The following ATRNL1 variants were observed in gnomAD, a reference collection of about 807,000 sequenced individuals.
ATRNL1 encodes the protein attractin-like protein 1.
ATRNL1 carries 95 observed loss-of-function variants against 182.7 expected under a neutral mutation model. The ratio of observed to expected loss-of-function variants is 0.52; its 90% confidence interval spans 0.44 to 0.62. The LOEUF (loss-of-function observed/expected upper bound fraction) is 0.62. Ranked by LOEUF, ATRNL1 falls within the 20% of genes least tolerant of loss-of-function variation. The pLI is 0.00. For synonymous variants in ATRNL1, 576 were observed against 568.3 expected (o/e 1.01, Z -0.19); for missense variants, 1,471 against 1,679.5 (o/e 0.88, Z 2.17).
intron 28 of ATRNL1, among the ~76,000 whole-genome samples, chr10:115,913,565 A>C (rs1451595141): frequency 2.0e-5 from 3 of 152,228 alleles, no homozygotes; most frequent in Admixed American, 1.3e-4. Flanking sequence ...CATCTGTGCA[A>C]TACCTGGCAG....
intron 8 of ATRNL1, among the ~76,000 whole-genome samples, chr10:115,186,764 C>CT (rs1847958216): frequency 6.6e-6 from 1 of 151,918 alleles, no homozygotes; most frequent in African/African-American, 2.4e-5. Flanking sequence ...GTAAAATCCT[C>CT]TATTTGACAG....
chr10:115,238,614 G>C (rs1157795240), intron 9 of ATRNL1, among the ~76,000 whole-genome samples: 1 of 152,088 alleles, frequency 6.6e-6, no homozygotes, highest in African/African-American at 2.4e-5. Flanking sequence ...ATTAGTTCTA[G>C]AGGGTTTTTT....
At chr10:115,142,233 G>T (rs1358100633) in intron 5 of ATRNL1, among the ~76,000 whole-genome samples, 1 of 152,156 alleles carries the variant, frequency 6.6e-6, no homozygotes, top group Non-Finnish European at 1.5e-5. Flanking sequence ...GTTTTATGGA[G>T]AAGTTGACAT....
chr10:115,634,253 G>A (rs769959001), intron 26 of ATRNL1, among the ~76,000 whole-genome samples: 75 of 151,978 alleles, frequency 4.9e-4, no homozygotes, highest in Non-Finnish European at 7.7e-4. Context: ...ACAATTTTCC[G>A]ACTCACTGTA....
intron 28 of ATRNL1, among the ~76,000 whole-genome samples, chr10:115,889,695 T>TG (rs1952033946): frequency 6.6e-6 from 1 of 152,208 alleles, no homozygotes; most frequent in Non-Finnish European, 1.5e-5. Context: ...TTGAACTCTG[T>TG]CTGCCTCTAA....
chr10:115,094,557 A>G (rs530007998), intron 1 of ATRNL1, among the ~76,000 whole-genome samples: 6 of 152,292 alleles, frequency 3.9e-5, no homozygotes, highest in African/African-American at 1.4e-4. Context: ...AGTGATGTTA[A>G]TAAGTAGAGT....
At chr10:115,870,307 T>C (rs1951550818) in intron 28 of ATRNL1, among the ~76,000 whole-genome samples, 1 of 152,232 alleles carries the variant, frequency 6.6e-6, no homozygotes, top group Non-Finnish European at 1.5e-5. Context: ...TGACTAGCTA[T>C]TGGCTCCTGC....
chr10:115,146,839 G>GTA (rs1845996467), intron 5 of ATRNL1, among the ~76,000 whole-genome samples: 1 of 144,808 alleles, frequency 6.9e-6, no homozygotes, highest in Admixed American at 7.0e-5. Context: ...GTTCCATTAT[G>GTA]TATATACACT....
intron 26 of ATRNL1, among the ~76,000 whole-genome samples, chr10:115,590,573 C>T (rs1184972605): frequency 6.6e-6 from 1 of 152,078 alleles, no homozygotes; most frequent in African/African-American, 2.4e-5. Flanking sequence ...AAATCTACTA[C>T]AGTCTATTTT....
chr10:115,489,937 G>A (rs987270579), intron 24 of ATRNL1, among the ~76,000 whole-genome samples: 4 of 152,100 alleles, frequency 2.6e-5, no homozygotes, highest in Non-Finnish European at 5.9e-5. Flanking sequence ...CAGTCTCTCA[G>A]CATTTGTTTG....
Position 115,831,880 on chromosome 10 carries a change from CCTG to C in ATRNL1, c.3904-15994_3904-15992del, listed in dbSNP as rs1373604015. Among the ~76,000 whole-genome samples the C allele has an allele frequency of 7.9e-5, 12 of 151,926 alleles. No individual in the cohort carries two copies. The East Asian group carries it at 2.3e-3, about 29-fold the overall frequency. ...AGATACTTTAAAATTGCTATAGCTA[CCTG>C]CTATTAACTAAAGGCATTAAGAAAC... is the stretch of plus-strand genomic sequence containing the variant. On this transcript the variant is annotated intron_variant, in intron 27 of 28. Transcript: ENST00000355044.
chr10:115,263,709 A>G (rs184739768), intron 10 of ATRNL1, among the ~76,000 whole-genome samples: 2 of 151,934 alleles, frequency 1.3e-5, no homozygotes, highest in African/African-American at 4.8e-5. Flanking sequence ...AGTGCTACAA[A>G]CATATAATGT....
intron 26 of ATRNL1, among the ~76,000 whole-genome samples, chr10:115,646,630 CT>C (rs57206126): frequency 0.21 from 30,356 of 143,642 alleles, 3,564 homozygotes; most frequent in East Asian, 0.39. Flanking sequence ...TTCTTTTTTT[CT>C]TTTTTTTTTT....
intron 18 of ATRNL1, among the ~76,000 whole-genome samples, chr10:115,318,808 A>G (rs1854437468): frequency 6.6e-6 from 1 of 151,352 alleles, no homozygotes. Context: ...TCTAGCTAGC[A>G]TTCTCTCTAT....
intron 25 of ATRNL1, among the ~76,000 whole-genome samples, chr10:115,524,933 T>A (rs1222917818): frequency 1.3e-5 from 2 of 152,224 alleles, no homozygotes; most frequent in African/African-American, 4.8e-5. Context: ...AATGTCTGCT[T>A]ATTCCTCCTG....
intron 28 of ATRNL1, among the ~76,000 whole-genome samples, chr10:115,856,441 A>AAAAAAAAAAAAAAAAAAAAAAAAAAAC (rs1555102088): frequency 6.9e-6 from 1 of 145,650 alleles, no homozygotes; most frequent in Non-Finnish European, 1.5e-5. Flanking sequence ...AAAAAAAAAA[A>AAAAAAAAAAAAAAAAAAAAAAAAAAAC]AAAAAAAAAG....
intron 27 of ATRNL1, among the ~76,000 whole-genome samples, chr10:115,843,072 C>A (rs1219996408): frequency 6.6e-6 from 1 of 152,026 alleles, no homozygotes; most frequent in Non-Finnish European, 1.5e-5. Flanking sequence ...CACCATGTGA[C>A]CTCTGTGACA....
At chr10:115,598,630 A>T (rs1386170513) in intron 26 of ATRNL1, among the ~76,000 whole-genome samples, 6 of 151,956 alleles carry the variant, frequency 3.9e-5, no homozygotes, top group Admixed American at 3.9e-4. Flanking sequence ...TCAAAGTAAA[A>T]ATTATTTTTA....
chr10:115,924,252 A>G (rs1271449245), intron 28 of ATRNL1, among the ~76,000 whole-genome samples: 1 of 152,126 alleles, frequency 6.6e-6, no homozygotes, highest in Non-Finnish European at 1.5e-5. Context: ...CTTTAGTTTA[A>G]TAAGATCCCA....
Sources: allele counts gnomAD v4.1 joint callset (sites outside exome capture counted in the v4.1 genomes callset), GRCh38; gene constraint gnomAD v4.1.1; transcripts MANE v1.5; gene names NCBI Gene and HGNC (gene_info 2026-07-23, HGNC 2026-07-21).